GMDS: variants seen among roughly 807,000 people sequenced by gnomAD.
The protein encoded by GMDS is GDP-mannose 4,6-dehydratase, also known as GDP-mannose 4,6 dehydratase.
GMDS carries 20 observed loss-of-function variants against 49.9 expected under a neutral mutation model. The ratio of observed to expected loss-of-function variants is 0.40; its 90% confidence interval spans 0.28 to 0.58. The LOEUF is 0.58. Among genes scored for constraint, GMDS ranks in the 20% least tolerant of loss-of-function variants. The pLI is 0.42. For missense variants in GMDS, 362 were observed against 481.4 expected (o/e 0.75, Z 2.32); for synonymous variants, 177 against 178.6 (o/e 0.99, Z 0.07).
In GMDS at chr6:1,933,072, T is replaced by C. The variant is rs550213567; in HGVS notation, c.644-2842A>G. 2.0e-5 allele frequency among the ~76,000 whole-genome samples: 3 copies of C among 152,338 alleles called. No individual in the cohort carries two copies. In the South Asian group the frequency reaches 6.2e-4, roughly 32 times the overall value. Reference sequence around the variant, plus strand: ...TACCCTAGCCCTGGCATACAGATAATCTACCTTTTATCTCTAGATTTGCCT... The same window carrying C: ...TACCCTAGCCCTGGCATACAGATAACCTACCTTTTATCTCTAGATTTGCCT... On this transcript the variant is annotated intron_variant, in intron 6 of 10. Transcript: ENST00000380815.
At chr6:1,680,702 G>A (rs530682060) in intron 9 of GMDS, among the ~76,000 whole-genome samples, 6 of 152,328 alleles carry the variant, frequency 3.9e-5, no homozygotes, top group South Asian at 2.1e-4. Flanking sequence ...CACTTGAGCC[G>A]CCAGAGCCAC....
intron 1 of GMDS, among the ~76,000 whole-genome samples, chr6:2,165,595 T>G (rs1777624528): frequency 6.6e-6 from 1 of 152,224 alleles, no homozygotes; most frequent in Admixed American, 6.5e-5. Context: ...ACACCCAGAA[T>G]GTCTGACCAA....
At chr6:1,824,061 C>T (rs1258515733) in intron 7 of GMDS, among the ~76,000 whole-genome samples, 1 of 152,092 alleles carries the variant, frequency 6.6e-6, no homozygotes, top group Non-Finnish European at 1.5e-5. Flanking sequence ...TATTACCACC[C>T]TACCATCCCT....
At chr6:2,035,272 G>C (rs543853932) in intron 4 of GMDS, among the ~76,000 whole-genome samples, 1 of 152,202 alleles carries the variant, frequency 6.6e-6, no homozygotes, top group South Asian at 2.1e-4. Flanking sequence ...CCCCTCATGT[G>C]CCAAGTTTTC....
chr6:1,631,157 G>A (rs114143810), intron 9 of GMDS, among the ~76,000 whole-genome samples: 2,785 of 152,262 alleles, frequency 0.018, 89 homozygotes, highest in African/African-American at 0.062. Flanking sequence ...GAGGAAGGCC[G>A]CTGTGCTCTT....
chr6:1,714,240 G>A (rs1963147), intron 9 of GMDS, among the ~76,000 whole-genome samples: 119,238 of 151,994 alleles, frequency 0.78, 46,917 homozygotes, highest in East Asian at 1. Context: ...GGATGGTCTC[G>A]ATCTCCTGAC....
intron 4 of GMDS, among the ~76,000 whole-genome samples, chr6:2,100,531 C>T (rs987672903): frequency 6.6e-6 from 1 of 151,974 alleles, no homozygotes; most frequent in Admixed American, 6.5e-5. Flanking sequence ...TCTAACGTCA[C>T]AATACAATGT....
At chr6:1,928,776 C>G (rs1011519442) in intron 7 of GMDS, among the ~76,000 whole-genome samples, 2 of 152,020 alleles carry the variant, frequency 1.3e-5, no homozygotes, top group African/African-American at 4.8e-5. Context: ...TGAGACCCGC[C>G]TGGTCAAAAT....
chr6:2,040,063 G>A (rs1419116343), intron 4 of GMDS, among the ~76,000 whole-genome samples: 1 of 152,130 alleles, frequency 6.6e-6, no homozygotes, highest in African/African-American at 2.4e-5. Flanking sequence ...ATAATCTTAT[G>A]GTGCCACTGT....
intron 4 of GMDS, among the ~76,000 whole-genome samples, chr6:2,005,280 C>G (rs533282573): frequency 3.3e-5 from 5 of 152,222 alleles, no homozygotes; most frequent in Admixed American, 2.6e-4. Context: ...TTAAGTATCA[C>G]TAGGATTCAG....
intron 4 of GMDS, among the ~76,000 whole-genome samples, chr6:2,031,574 G>A (rs543852890): frequency 9.2e-5 from 14 of 152,266 alleles, no homozygotes; most frequent in African/African-American, 2.9e-4. Flanking sequence ...ACCAGAGATG[G>A]TCTCACTGAA....
At chr6:1,731,694 T>C (rs538128799) in intron 8 of GMDS, among the ~76,000 whole-genome samples, 1 of 152,384 alleles carries the variant, frequency 6.6e-6, no homozygotes, top group East Asian at 1.9e-4. Context: ...AGGAAACTAA[T>C]TATGATTTTG....
chr6:1,942,790 T>C (rs913480279), intron 6 of GMDS, among the ~76,000 whole-genome samples: 1 of 152,214 alleles, frequency 6.6e-6, no homozygotes, highest in Non-Finnish European at 1.5e-5. Flanking sequence ...CATACAGCGC[T>C]ATCTTCAATT....
rs371977552 is a variant in GMDS at position 1,640,934 on chromosome 6, C to T, written c.988-16394G>A. ...AGGCTGGGCTAGGGCCCTGAAGGGC[C>T]GGCTGGTTAGAAACCCTGAAGTCCA... On this transcript the variant is annotated intron_variant, in intron 9 of 10. Coordinates refer to ENST00000380815, the MANE Select transcript of GMDS (RefSeq NM_001500.4). The surrounding 1 kb of genome is among the most constrained non-coding windows in gnomAD (Gnocchi z 4.0). 6.6e-6 allele frequency among the ~76,000 whole-genome samples: 1 copy of T among 152,158 alleles called. No homozygotes were observed. The highest frequency in any genetic ancestry group is 2.1e-4 in the South Asian group (1 of 4,830).
In GMDS at chr6:1,640,408, G is replaced by A. The variant is rs750623990; in HGVS notation, c.988-15868C>T. Reference sequence around the variant, plus strand: ...ACACCTGCAGGTGTGTTATGCACCTGTCACGGGGTAAGGCCTTCCACGTAT... The same window carrying A: ...ACACCTGCAGGTGTGTTATGCACCTATCACGGGGTAAGGCCTTCCACGTAT... On this transcript the variant is annotated intron_variant, in intron 9 of 10. Coordinates refer to ENST00000380815, the MANE Select transcript of GMDS (RefSeq NM_001500.4). The surrounding 1 kb of genome is among the most constrained non-coding windows in gnomAD (Gnocchi z 4.0). Among the ~76,000 whole-genome samples, 8 of 152,146 alleles carry A rather than the reference G, an allele frequency of 5.3e-5. No individual in the cohort carries two copies. The highest frequency in any genetic ancestry group is 8.8e-5 in the Non-Finnish European group (6 of 68,016).
chr6:2,212,012 C>A (rs1371346703), intron 1 of GMDS, among the ~76,000 whole-genome samples: 2 of 152,134 alleles, frequency 1.3e-5, no homozygotes, highest in East Asian at 1.9e-4. Context: ...AATTACAGTT[C>A]ATTCAAGTAA....
chr6:1,701,182 A>G (rs1561740266), intron 9 of GMDS, among the ~76,000 whole-genome samples: 4 of 152,140 alleles, frequency 2.6e-5, no homozygotes. Flanking sequence ...CGTGGAGTAC[A>G]TCAATCTGTC....
chr6:1,756,414 C>T (rs539298898), intron 7 of GMDS, among the ~76,000 whole-genome samples: 2 of 152,306 alleles, frequency 1.3e-5, no homozygotes, highest in South Asian at 4.1e-4. Context: ...CAGGCACCTA[C>T]CACCACGTCC....
chr6:1,967,838 G>T (rs550355594), intron 4 of GMDS, among the ~76,000 whole-genome samples: 1 of 152,302 alleles, frequency 6.6e-6, no homozygotes, highest in South Asian at 2.1e-4. Flanking sequence ...GATACCCAAA[G>T]AATTGTCCAC....
Sources: gnomAD v4.1 joint callset for allele counts (sites outside exome capture counted in the v4.1 genomes callset) on GRCh38, gnomAD v4.1.1 for gene constraint, Gnocchi (gnomAD v3.1) non-coding constraint, MANE v1.5 for transcripts, NCBI Gene and HGNC (gene_info 2026-07-23, HGNC 2026-07-21) for gene names.